Variants in SOX5 observed in about 807,000 individuals in gnomAD.
SOX5 encodes the protein transcription factor SOX-5.
In SOX5, 9 loss-of-function variants were observed where a neutral mutation model predicts 92.0. The ratio of observed to expected loss-of-function variants is 0.10; its 90% CI spans 0.06 to 0.17. SOX5 has a LOEUF of 0.17. Ranked by LOEUF, SOX5 falls within the 10% of genes least tolerant of loss-of-function variation. SOX5 has a pLI of 1.00. For synonymous variants in SOX5, 344 were observed against 336.3 expected, an observed-to-expected ratio of 1.02 and a Z score of -0.25; for missense variants, 642 against 944.5, an observed-to-expected ratio of 0.68 and a Z score of 4.20.
At chr12:24,498,083 A>G (rs10161381) in intron 1 of SOX5, among the ~76,000 whole-genome samples, 42,122 of 151,910 alleles carry the variant, frequency 0.28, 6,994 homozygotes, top group East Asian at 0.71. Flanking sequence ...AGAGCATCAG[A>G]AAGAATAGGT....
chr12:24,073,794 GATAA>G (rs940474818), intron 4 of SOX5, among the ~76,000 whole-genome samples: 20 of 152,150 alleles, frequency 1.3e-4, no homozygotes, highest in Admixed American at 5.2e-4. Flanking sequence ...TGAGAGGAAA[GATAA>G]ATAAATAAAT....
At chr12:24,305,357 T>C (rs1948449850) in intron 2 of SOX5, among the ~76,000 whole-genome samples, 1 of 152,102 alleles carries the variant, frequency 6.6e-6, no homozygotes, top group Non-Finnish European at 1.5e-5. Context: ...TTTGTGACAG[T>C]GATGGTGATT....
At chr12:24,503,189 A>G (rs1209807560) in intron 1 of SOX5, among the ~76,000 whole-genome samples, 2 of 152,218 alleles carry the variant, frequency 1.3e-5, no homozygotes, top group Non-Finnish European at 2.9e-5. Context: ...AAGCATACAA[A>G]AAAAAGTATT....
intron 10 of SOX5, among the ~76,000 whole-genome samples, chr12:23,567,766 T>A (rs539899328): frequency 3.9e-4 from 60 of 152,296 alleles, no homozygotes; most frequent in Admixed American, 2.0e-3. Context: ...TGCAATTTGA[T>A]GTTTTATGCT....
At chr12:24,202,031 T>C (rs902201523) in intron 4 of SOX5, among the ~76,000 whole-genome samples, 1 of 152,226 alleles carries the variant, frequency 6.6e-6, no homozygotes. Flanking sequence ...ATACTTGACA[T>C]CTCTGCTCTC....
At chr12:23,609,384 G>T (rs767564658) in intron 8 of SOX5, among the ~76,000 whole-genome samples, 2 of 152,152 alleles carry the variant, frequency 1.3e-5, no homozygotes, top group Non-Finnish European at 2.9e-5. Context: ...AGAAATATCA[G>T]CTATGAAATT....
At chr12:24,096,293 T>C (rs1332322481) in intron 4 of SOX5, among the ~76,000 whole-genome samples, 1 of 152,164 alleles carries the variant, frequency 6.6e-6, no homozygotes, top group East Asian at 1.9e-4. Context: ...ATTCTTACTG[T>C]GGTAAAATAC....
chr12:24,353,908 G>A (rs1954453036), intron 2 of SOX5, among the ~76,000 whole-genome samples: 1 of 152,154 alleles, frequency 6.6e-6, no homozygotes, highest in South Asian at 2.1e-4. Context: ...CATAGTGCTG[G>A]GATTACAGGC....
chr12:23,732,229 T>A (rs956659270), intron 6 of SOX5, among the ~76,000 whole-genome samples: 1 of 152,150 alleles, frequency 6.6e-6, no homozygotes, highest in African/African-American at 2.4e-5. Flanking sequence ...CATTCTAAAA[T>A]GAAATATGGC....
chr12:23,946,728 G>A (rs17400846), intron 1 of SOX5, among the ~76,000 whole-genome samples: 46,579 of 151,756 alleles, frequency 0.31, 8,250 homozygotes, highest in Non-Finnish European at 0.42. Flanking sequence ...ACGGTAAAAT[G>A]TAGAAGACTT....
intron 4 of SOX5, among the ~76,000 whole-genome samples, chr12:24,133,409 G>T (rs1949831951): frequency 6.6e-6 from 1 of 152,208 alleles, no homozygotes; most frequent in African/African-American, 2.4e-5. Context: ...AAGAAGAGAT[G>T]ACTATGGTGT....
At chr12:23,796,711 A>C (rs1056657474) in intron 3 of SOX5, among the ~76,000 whole-genome samples, 7 of 151,838 alleles carry the variant, frequency 4.6e-5, no homozygotes, top group Non-Finnish European at 1.0e-4. Flanking sequence ...CTAATGCATG[A>C]AAAAAACTAA....
chr12:24,473,124 C>T (rs1411794020), intron 1 of SOX5, among the ~76,000 whole-genome samples: 1 of 152,028 alleles, frequency 6.6e-6, no homozygotes, highest in Non-Finnish European at 1.5e-5. Context: ...AGAGAGCTTT[C>T]CAAAGTGTCT....
At chr12:24,136,967 T>C (rs918562654) in intron 4 of SOX5, among the ~76,000 whole-genome samples, 2 of 152,208 alleles carry the variant, frequency 1.3e-5, no homozygotes, top group African/African-American at 2.4e-5. Context: ...CAAAATCTCA[T>C]ACTGTGCTCC....
intron 2 of SOX5, among the ~76,000 whole-genome samples, chr12:24,356,882 ATCTT>A (rs1431001463): frequency 3.3e-5 from 5 of 152,208 alleles, no homozygotes; most frequent in African/African-American, 4.8e-5. Flanking sequence ...TACATGTTAT[ATCTT>A]TCTATTAACC....
intron 3 of SOX5, among the ~76,000 whole-genome samples, chr12:23,775,524 C>A (rs1315469006): frequency 6.6e-6 from 1 of 152,182 alleles, no homozygotes; most frequent in Non-Finnish European, 1.5e-5. Context: ...AATGCAATAC[C>A]ATTCTGAGCT....
chr12:23,661,239 A>C (rs1212134468), intron 7 of SOX5, among the ~76,000 whole-genome samples: 1 of 152,216 alleles, frequency 6.6e-6, no homozygotes, highest in Non-Finnish European at 1.5e-5. Context: ...GGTTACAATT[A>C]TATTACTGGG....
chr12:24,483,437 AC>A (rs1946204762), intron 1 of SOX5, among the ~76,000 whole-genome samples: 1 of 152,172 alleles, frequency 6.6e-6, no homozygotes, highest in South Asian at 2.1e-4. Context: ...ATGTAAATGC[AC>A]CATAAGTTTT....
chr12:24,195,997 G>A (rs1956976890), intron 4 of SOX5, among the ~76,000 whole-genome samples: 1 of 152,152 alleles, frequency 6.6e-6, no homozygotes, highest in Non-Finnish European at 1.5e-5. Context: ...CGATTCTCCT[G>A]CCTCAGACGC....
Sources: gnomAD v4.1 joint callset for allele counts (sites outside exome capture counted in the v4.1 genomes callset) on GRCh38, gnomAD v4.1.1 for gene constraint, MANE v1.5 for transcripts, NCBI Gene and HGNC (gene_info 2026-07-23, HGNC 2026-07-21) for gene names.